Variants in DLGAP1 observed in about 807,000 individuals in gnomAD.
DLGAP1 encodes disks large-associated protein 1.
DLGAP1 carries 11 observed loss-of-function variants against 90.8 expected under a neutral mutation model. The ratio of observed to expected loss-of-function variants is 0.12; its 90% confidence interval spans 0.08 to 0.20. The LOEUF is 0.20. Ranked by LOEUF, DLGAP1 falls within the 10% of genes least tolerant of loss-of-function variation. DLGAP1 has a pLI of 1.00. For synonymous variants in DLGAP1, 558 were observed against 540.7 expected (o/e 1.03, Z -0.44); for missense variants, 1,050 against 1,333.8 (o/e 0.79, Z 3.31).
intron 2 of DLGAP1, among the ~76,000 whole-genome samples, chr18:4,108,805 A>G (rs2075917582): frequency 6.6e-6 from 1 of 152,196 alleles, no homozygotes. Context: ...GCTTTAAACA[A>G]CAGTGTAGCC....
At chr18:4,222,677 T>C (rs2078101357) in intron 1 of DLGAP1, among the ~76,000 whole-genome samples, 1 of 150,588 alleles carries the variant, frequency 6.6e-6, no homozygotes, top group African/African-American at 2.4e-5. Flanking sequence ...TTAAAAAAAA[T>C]GAAGAGTTTG....
chr18:3,675,306 C>G (rs1375533643), intron 7 of DLGAP1, among the ~76,000 whole-genome samples: 1 of 152,096 alleles, frequency 6.6e-6, no homozygotes, highest in Non-Finnish European at 1.5e-5. Flanking sequence ...AACCCCTGAC[C>G]TCAGGTAATC....
intron 3 of DLGAP1, among the ~76,000 whole-genome samples, chr18:3,964,154 A>T (rs572500904): frequency 6.6e-6 from 1 of 152,320 alleles, no homozygotes; most frequent in African/African-American, 2.4e-5. Flanking sequence ...CTCAAATCTC[A>T]GCATAAAACA....
At chr18:4,368,827 A>C (rs1841815) in intron 1 of DLGAP1, among the ~76,000 whole-genome samples, 15,358 of 152,068 alleles carry the variant, frequency 0.1, 811 homozygotes, top group African/African-American at 0.13. Flanking sequence ...AAAAATTATT[A>C]AAATTCATGG....
intron 1 of DLGAP1, among the ~76,000 whole-genome samples, chr18:4,381,733 T>C (rs901628840): frequency 3.9e-5 from 6 of 152,160 alleles, no homozygotes; most frequent in African/African-American, 1.4e-4. Flanking sequence ...GAGATCTTTC[T>C]TGATTTCTTC....
intron 7 of DLGAP1, among the ~76,000 whole-genome samples, chr18:3,716,485 G>A (rs1460072522): frequency 2.0e-5 from 3 of 152,180 alleles, no homozygotes; most frequent in Non-Finnish European, 2.9e-5. Flanking sequence ...GCAGTGAGCT[G>A]TGATTGCATC....
At chr18:4,346,226 A>C (rs62085611) in intron 1 of DLGAP1, among the ~76,000 whole-genome samples, 4,499 of 152,296 alleles carry the variant, frequency 0.03, 97 homozygotes, top group Non-Finnish European at 0.048. Flanking sequence ...TTATTTGTCA[A>C]TTAAAATAAG....
At chr18:4,158,114 A>G (rs2076786862) in intron 1 of DLGAP1, among the ~76,000 whole-genome samples, 2 of 152,202 alleles carry the variant, frequency 1.3e-5, no homozygotes, top group African/African-American at 4.8e-5. Context: ...AAAGTTATTT[A>G]AATCTTGTAT....
chr18:3,583,142 C>A (rs1208339873), intron 7 of DLGAP1, among the ~76,000 whole-genome samples: 1 of 126,516 alleles, frequency 7.9e-6, no homozygotes, highest in African/African-American at 3.0e-5. Context: ...CCTGACTGAC[C>A]GACCTACCTA....
intron 1 of DLGAP1, among the ~76,000 whole-genome samples, chr18:4,290,222 T>C (rs954071321): frequency 6.6e-6 from 1 of 152,230 alleles, no homozygotes; most frequent in East Asian, 1.9e-4. Flanking sequence ...AGCATTTATA[T>C]ACTAGGTATT....
intron 1 of DLGAP1, among the ~76,000 whole-genome samples, chr18:4,417,237 A>C (rs2082920332): frequency 6.6e-6 from 1 of 152,160 alleles, no homozygotes; most frequent in Non-Finnish European, 1.5e-5. Context: ...CAGGCAGTAA[A>C]CAGATTTGGA....
chr18:4,021,940 CA>C (rs1430755393), intron 2 of DLGAP1, among the ~76,000 whole-genome samples: 1 of 152,148 alleles, frequency 6.6e-6, no homozygotes, highest in African/African-American at 2.4e-5. Flanking sequence ...CAGACTAACA[CA>C]GAACTCAAAT....
intron 2 of DLGAP1, among the ~76,000 whole-genome samples, chr18:4,011,852 C>A (rs2074429691): frequency 6.6e-6 from 1 of 151,896 alleles, no homozygotes; most frequent in African/African-American, 2.4e-5. Flanking sequence ...ACAACAACAA[C>A]AACACAAAAC....
At chr18:3,510,893 A>G (rs1438889853) in intron 10 of DLGAP1, among the ~76,000 whole-genome samples, 1 of 152,274 alleles carries the variant, frequency 6.6e-6, no homozygotes, top group African/African-American at 2.4e-5. Context: ...TATTAGGGCA[A>G]CATGCAACCA....
chr18:4,067,890 C>T (rs2075392477), intron 2 of DLGAP1, among the ~76,000 whole-genome samples: 1 of 152,066 alleles, frequency 6.6e-6, no homozygotes, highest in African/African-American at 2.4e-5. Flanking sequence ...ACATATAAAA[C>T]CAAACTGTAG....
intron 1 of DLGAP1, among the ~76,000 whole-genome samples, chr18:4,370,875 A>G (rs1398469620): frequency 6.6e-6 from 1 of 152,132 alleles, no homozygotes; most frequent in Non-Finnish European, 1.5e-5. Flanking sequence ...CCAGCCAATT[A>G]TATTTTCAGT....
At chr18:3,866,025 C>T (rs1045415725) in intron 4 of DLGAP1, among the ~76,000 whole-genome samples, 6 of 152,100 alleles carry the variant, frequency 3.9e-5, no homozygotes, top group Non-Finnish European at 7.4e-5. Context: ...CTGTGTGTTC[C>T]TAAAAAAGTC....
chr18:3,539,953 C>T (rs2144602902), intron 9 of DLGAP1, among the ~76,000 whole-genome samples: 1 of 152,276 alleles, frequency 6.6e-6, no homozygotes, highest in African/African-American at 2.4e-5. Flanking sequence ...TAGCACTCTG[C>T]TATTCTTTCT....
At chr18:4,282,741 C>A (rs141893056) in intron 1 of DLGAP1, among the ~76,000 whole-genome samples, 2 of 152,294 alleles carry the variant, frequency 1.3e-5, no homozygotes, top group African/African-American at 4.8e-5. Flanking sequence ...GATCACATAA[C>A]TGGGGGCTGG....
Sources: gnomAD v4.1 joint callset for allele counts (sites outside exome capture counted in the v4.1 genomes callset) on GRCh38, gnomAD v4.1.1 for gene constraint, MANE v1.5 for transcripts, NCBI Gene and HGNC (gene_info 2026-07-23, HGNC 2026-07-21) for gene names.